The following GALNTL6 variants were observed in gnomAD, a reference collection of about 807,000 sequenced individuals.
GALNTL6 encodes polypeptide N-acetylgalactosaminyltransferase like 6.
Under a neutral mutation model 73.7 loss-of-function variants are expected in GALNTL6, and 46 were observed. The observed-to-expected ratio is 0.62, with a 90% CI of 0.49 to 0.80. GALNTL6 has a LOEUF of 0.80. Ranked by LOEUF, GALNTL6 falls within the 30% of genes least tolerant of loss-of-function variation. The pLI, the probability that GALNTL6 is intolerant of heterozygous loss-of-function variation, is 0.00. For missense variants in GALNTL6, 604 were observed against 755.0 expected, an observed-to-expected ratio of 0.80 and a Z score of 2.34; for synonymous variants, 259 against 263.7, an observed-to-expected ratio of 0.98 and a Z score of 0.17.
chr4:172,429,871 T>C (rs1484947562), intron 5 of GALNTL6, among the ~76,000 whole-genome samples: 2 of 152,172 alleles, frequency 1.3e-5, no homozygotes, highest in African/African-American at 4.8e-5. Context: ...TGAATAATAA[T>C]TGTCTATAAA....
intron 2 of GALNTL6, among the ~76,000 whole-genome samples, chr4:171,826,630 T>C (rs1036860390): frequency 2.0e-5 from 3 of 152,106 alleles, no homozygotes; most frequent in Admixed American, 6.6e-5. Flanking sequence ...ATCAGCAATC[T>C]CTAGTTAGTT....
chr4:172,729,516 G>A (rs1269805531), intron 5 of GALNTL6, among the ~76,000 whole-genome samples: 1 of 151,986 alleles, frequency 6.6e-6, no homozygotes, highest in Non-Finnish European at 1.5e-5. Flanking sequence ...TAAGTTTTTG[G>A]TGCCTAAGTT....
At chr4:172,640,810 G>C (rs1036212032) in intron 5 of GALNTL6, among the ~76,000 whole-genome samples, 17 of 152,082 alleles carry the variant, frequency 1.1e-4, no homozygotes, top group African/African-American at 4.1e-4. Flanking sequence ...ATATCAATTT[G>C]GGGAAGACAC....
intron 5 of GALNTL6, among the ~76,000 whole-genome samples, chr4:172,601,418 T>G (rs923406559): frequency 1.3e-5 from 2 of 152,278 alleles, no homozygotes; most frequent in East Asian, 3.9e-4. Context: ...GCCCTCCTGC[T>G]GCAGTAAGTG....
intron 5 of GALNTL6, among the ~76,000 whole-genome samples, chr4:172,714,197 A>G (rs1223259895): frequency 6.6e-6 from 1 of 152,162 alleles, no homozygotes; most frequent in Non-Finnish European, 1.5e-5. Context: ...TTCAGCCTAC[A>G]TCCAGAAATG....
intron 9 of GALNTL6, among the ~76,000 whole-genome samples, chr4:172,936,595 G>A (rs1373948905): frequency 6.6e-6 from 1 of 152,176 alleles, no homozygotes; most frequent in Non-Finnish European, 1.5e-5. Flanking sequence ...CAAAATCTAT[G>A]TGCAAAAATC....
chr4:172,681,287 C>T (rs551260807), intron 5 of GALNTL6, among the ~76,000 whole-genome samples: 192 of 152,110 alleles, frequency 1.3e-3, no homozygotes, highest in African/African-American at 4.0e-3. Context: ...CTTTTCCTTT[C>T]TTTTGAAAAT....
At chr4:171,920,770 A>T (rs187731801) in intron 2 of GALNTL6, among the ~76,000 whole-genome samples, 1 of 152,266 alleles carries the variant, frequency 6.6e-6, no homozygotes, top group East Asian at 1.9e-4. Context: ...AAGAAAGAAT[A>T]TTCATAAAAA....
At chr4:172,176,762 C>T (rs1014084273) in intron 2 of GALNTL6, among the ~76,000 whole-genome samples, 1 of 151,932 alleles carries the variant, frequency 6.6e-6, no homozygotes, top group Non-Finnish European at 1.5e-5. Flanking sequence ...GCGCTCTGGC[C>T]TGGGCAACAA....
intron 2 of GALNTL6, among the ~76,000 whole-genome samples, chr4:172,003,155 C>T (rs1441395730): frequency 1.3e-5 from 2 of 152,018 alleles, no homozygotes; most frequent in East Asian, 3.9e-4. Flanking sequence ...TTAGGATTTA[C>T]ATATCGTTTG....
intron 2 of GALNTL6, among the ~76,000 whole-genome samples, chr4:172,113,104 T>TATATAGAA (rs1732899628): frequency 6.6e-6 from 1 of 151,962 alleles, no homozygotes; most frequent in Admixed American, 6.6e-5. Context: ...GGTCTTAGCA[T>TATATAGAA]TTTTTAGAAT....
chr4:172,018,153 AG>A (rs1741269013), intron 2 of GALNTL6, among the ~76,000 whole-genome samples: 1 of 152,080 alleles, frequency 6.6e-6, no homozygotes. Flanking sequence ...GCCTCCATAA[AG>A]GAGGTGGTCC....
chr4:172,719,054 G>A lies in GALNTL6; in HGVS notation c.554-90307G>A, dbSNP rs115882162. 3.1e-3 allele frequency among the ~76,000 whole-genome samples: 472 copies of A among 152,162 alleles called. 3 individuals are homozygous for A. The highest frequency in any genetic ancestry group is 0.011 in the African/African-American group (449 of 41,494). ...GCAAATGGCCAGACACCTTTCTTTC[G>A]AAAGACATCAAAACGAGTTACCCTT... is the stretch of plus-strand genomic sequence containing the variant. On this transcript the variant is annotated intron_variant, in intron 5 of 12. Transcript: ENST00000506823.
intron 3 of GALNTL6, 71 bp downstream of exon 3, chr4:172,229,835 T>G: frequency 1.1e-6 from 1 of 892,322 alleles, no homozygotes; most frequent in Non-Finnish European, 1.8e-6. Context: ...GTAAAGGATC[T>G]CTAATTAGCA....
intron 3 of GALNTL6, among the ~76,000 whole-genome samples, chr4:172,292,407 A>G (rs755041342): frequency 3.3e-5 from 5 of 152,158 alleles, no homozygotes; most frequent in Non-Finnish European, 7.4e-5. Flanking sequence ...TTCCAAGAGA[A>G]TAGGATAATA....
At chr4:172,425,107 G>A (rs546241539) in intron 5 of GALNTL6, among the ~76,000 whole-genome samples, 38 of 152,112 alleles carry the variant, frequency 2.5e-4, no homozygotes, top group African/African-American at 7.2e-4. Context: ...TAATATGTCT[G>A]TATCTTGAAA....
intron 2 of GALNTL6, among the ~76,000 whole-genome samples, chr4:171,928,871 C>A (rs1023477571): frequency 2.0e-5 from 3 of 152,102 alleles, no homozygotes; most frequent in African/African-American, 7.2e-5. Context: ...TAAGTACACA[C>A]TGTGATGTTC....
chr4:173,032,151 A>G (rs1334150694), intron 12 of GALNTL6, among the ~76,000 whole-genome samples: 2 of 152,250 alleles, frequency 1.3e-5, no homozygotes, highest in Non-Finnish European at 1.5e-5. Context: ...AGTTTTTACC[A>G]TTAAAAGTAA....
intron 8 of GALNTL6, among the ~76,000 whole-genome samples, chr4:172,916,995 C>G (rs1181781058): frequency 6.6e-6 from 1 of 152,158 alleles, no homozygotes; most frequent in Admixed American, 6.5e-5. Context: ...TGACTTCAAA[C>G]TATACTACAA....
Sources: allele counts gnomAD v4.1 joint callset (sites outside exome capture counted in the v4.1 genomes callset), GRCh38; gene constraint gnomAD v4.1.1; transcripts MANE v1.5; gene names NCBI Gene and HGNC (gene_info 2026-07-23, HGNC 2026-07-21).